PLXDC2: variants seen among roughly 807,000 people sequenced by gnomAD.
PLXDC2 encodes the protein plexin domain containing 2.
A neutral mutation model predicts 68.9 loss-of-function variants in PLXDC2; 40 were observed. That is an observed-to-expected ratio of 0.58 (90% CI 0.45 to 0.76). The LOEUF is 0.76. Ranked by LOEUF, PLXDC2 falls within the 30% of genes least tolerant of loss-of-function variation. The probability of loss-of-function intolerance (pLI) is 0.00; values close to 1 mark genes in which losing one functional copy is unlikely to be tolerated. For missense variants in PLXDC2, 644 were observed against 661.9 expected (o/e 0.97, Z 0.30); for synonymous variants, 243 against 234.2 (o/e 1.04, Z -0.34).
intron 1 of PLXDC2, among the ~76,000 whole-genome samples, chr10:19,926,571 G>T (rs1833539835): frequency 6.6e-6 from 1 of 151,866 alleles, no homozygotes; most frequent in Admixed American, 6.6e-5. Context: ...AGAATCTCAG[G>T]TGGAAAAAAA....
chr10:19,949,001 G>A (rs1833951507), intron 1 of PLXDC2, among the ~76,000 whole-genome samples: 1 of 151,238 alleles, frequency 6.6e-6, no homozygotes, highest in Non-Finnish European at 1.5e-5. Flanking sequence ...ATGGTAGTGG[G>A]CACCTGTTGT....
intron 1 of PLXDC2, among the ~76,000 whole-genome samples, chr10:19,943,284 T>G (rs1034624130): frequency 7.9e-5 from 12 of 152,224 alleles, no homozygotes; most frequent in Non-Finnish European, 1.5e-4. Context: ...ATTAGGATTT[T>G]TTCAGTATAC....
chr10:20,271,115 G>T (rs762887327), intron 13 of PLXDC2, among the ~76,000 whole-genome samples: 23 of 111,002 alleles, frequency 2.1e-4, no homozygotes, highest in Non-Finnish European at 2.8e-4. Flanking sequence ...AAAGGGGACC[G>T]TTTAAGACAA....
intron 1 of PLXDC2, among the ~76,000 whole-genome samples, chr10:19,907,438 G>A (rs534565215): frequency 2.0e-5 from 3 of 152,264 alleles, no homozygotes; most frequent in South Asian, 2.1e-4. Flanking sequence ...GGAACACAGC[G>A]AAGGATAGTG....
intron 1 of PLXDC2, among the ~76,000 whole-genome samples, chr10:19,940,528 T>C (rs1199060601): frequency 1.3e-5 from 2 of 150,036 alleles, no homozygotes; most frequent in African/African-American, 5.0e-5. Flanking sequence ...TCATTACTTA[T>C]TAAAGCTTAT....
chr10:20,034,081 A>G (rs1433484911), intron 2 of PLXDC2, among the ~76,000 whole-genome samples: 1 of 152,192 alleles, frequency 6.6e-6, no homozygotes, highest in Non-Finnish European at 1.5e-5. Context: ...TAATACATAA[A>G]GAGAGACTCC....
chr10:19,934,575 G>A (rs775065603), intron 1 of PLXDC2, among the ~76,000 whole-genome samples: 5 of 152,160 alleles, frequency 3.3e-5, no homozygotes, highest in Admixed American at 6.5e-5. Flanking sequence ...GTCTTGGCCC[G>A]ACTCCATTCA....
chr10:20,248,862 A>C (rs1446186374), intron 13 of PLXDC2, among the ~76,000 whole-genome samples: 2 of 152,226 alleles, frequency 1.3e-5, no homozygotes, highest in Non-Finnish European at 2.9e-5. Flanking sequence ...GTTCCATATT[A>C]TATTCCTATC....
chr10:19,967,250 C>T (rs1049839648), intron 1 of PLXDC2, among the ~76,000 whole-genome samples: 1 of 152,056 alleles, frequency 6.6e-6, no homozygotes, highest in African/African-American at 2.4e-5. Context: ...TTTAGGGAAC[C>T]AATGTGAGTT....
intron 4 of PLXDC2, among the ~76,000 whole-genome samples, chr10:20,098,188 C>T (rs1297519726): frequency 6.6e-6 from 1 of 152,084 alleles, no homozygotes; most frequent in East Asian, 1.9e-4. Context: ...TGTCCTTTAG[C>T]TGAAATCAGA....
At chr10:19,876,916 A>C (rs1837643176) in intron 1 of PLXDC2, among the ~76,000 whole-genome samples, 1 of 152,220 alleles carries the variant, frequency 6.6e-6, no homozygotes, top group Admixed American at 6.5e-5. Flanking sequence ...AGGTACTTAA[A>C]AAAACTCGTA....
chr10:20,015,922 C>T (rs1002047779), intron 2 of PLXDC2, among the ~76,000 whole-genome samples: 5 of 152,152 alleles, frequency 3.3e-5, no homozygotes, highest in African/African-American at 1.2e-4. Context: ...TTTCTTTTTA[C>T]TAAGAACTCA....
At chr10:20,261,531 C>T (rs982619338) in intron 13 of PLXDC2, among the ~76,000 whole-genome samples, 3 of 152,086 alleles carry the variant, frequency 2.0e-5, no homozygotes, top group Non-Finnish European at 2.9e-5. Flanking sequence ...AAATTTTGGA[C>T]ATGGAATCTC....
chr10:20,181,864 A>C lies in PLXDC2; in HGVS notation c.1061+4455A>C, dbSNP rs117083099. Among the ~76,000 whole-genome samples, 297 of 152,042 alleles carry C rather than the reference A, an allele frequency of 2.0e-3. 13 individuals are homozygous for C. In the East Asian group the frequency reaches 0.055, roughly 28 times the overall value. ...TGATTTTACCATATTAAAAAAATGG[A>C]ACTTTGGCTGCTTCATGGAGAACAG... is the stretch of plus-strand genomic sequence containing the variant. On this transcript the variant is annotated intron_variant, in intron 9 of 13. Transcript: ENST00000377252.
intron 1 of PLXDC2, among the ~76,000 whole-genome samples, chr10:19,966,441 T>TAAAA (rs1352569381): frequency 4.6e-5 from 7 of 150,980 alleles, no homozygotes; most frequent in South Asian, 4.2e-4. Context: ...TGCACATATA[T>TAAAA]ATAAAACATG....
intron 1 of PLXDC2, among the ~76,000 whole-genome samples, chr10:19,849,864 A>C (rs1027145935): frequency 3.9e-5 from 6 of 152,154 alleles, no homozygotes; most frequent in Non-Finnish European, 8.8e-5. Context: ...TGGTAGGAGA[A>C]AGTGTAGGAG....
chr10:20,053,682 A>G (rs1430625380), intron 3 of PLXDC2, among the ~76,000 whole-genome samples: 1 of 152,162 alleles, frequency 6.6e-6, no homozygotes, highest in East Asian at 1.9e-4. Context: ...GTCTTCTGAA[A>G]TGACAGTTGA....
At chr10:19,857,330 A>G (rs1160421624) in intron 1 of PLXDC2, among the ~76,000 whole-genome samples, 1 of 152,234 alleles carries the variant, frequency 6.6e-6, no homozygotes, top group Non-Finnish European at 1.5e-5. Flanking sequence ...TGTCCTCTAC[A>G]TCTGCAACCG....
chr10:19,857,812 G>A (rs1340407529), intron 1 of PLXDC2, among the ~76,000 whole-genome samples: 6 of 152,158 alleles, frequency 3.9e-5, no homozygotes, highest in African/African-American at 1.4e-4. Flanking sequence ...AGGAGTAGAT[G>A]TAAAGAAATC....
Sources: gnomAD v4.1 joint callset for allele counts (sites outside exome capture counted in the v4.1 genomes callset) on GRCh38, gnomAD v4.1.1 for gene constraint, MANE v1.5 for transcripts, NCBI Gene and HGNC (gene_info 2026-07-23, HGNC 2026-07-21) for gene names.